PTPRD: variants seen among roughly 807,000 people sequenced by gnomAD.
The protein encoded by PTPRD is protein tyrosine phosphatase receptor type D, also known as receptor-type tyrosine-protein phosphatase delta.
A neutral mutation model predicts 214.5 loss-of-function variants in PTPRD; 34 were observed. The observed-to-expected ratio is 0.16, with a 90% confidence interval of 0.12 to 0.21. The LOEUF (loss-of-function observed/expected upper bound fraction) is 0.21. PTPRD is among the 10% of genes least tolerant of loss of function. The probability of loss-of-function intolerance (pLI) is 1.00; values close to 1 mark genes in which losing one functional copy is unlikely to be tolerated. For synonymous variants in PTPRD, 1,128 were observed against 845.7 expected, an observed-to-expected ratio of 1.33 and a Z score of -5.79; for missense variants, 2,545 against 2,398.7, an observed-to-expected ratio of 1.06 and a Z score of -1.27.
At chr9:8,603,687 A>C (rs2095020738) in intron 14 of PTPRD, among the ~76,000 whole-genome samples, 1 of 152,182 alleles carries the variant, frequency 6.6e-6, no homozygotes, top group African/African-American at 2.4e-5. Flanking sequence ...CTTATAAGGG[A>C]AGTTGATGAA....
rs759934717 is a variant in PTPRD at position 8,528,751 on chromosome 9, G to A, written c.381C>T (p.Thr127=). 6.2e-7 allele frequency: 1 copy of A among 1,613,404 alleles called. No homozygotes were observed. Among genetic ancestry groups the A allele is most frequent in the Non-Finnish European group, 8.5e-7 (1 of 1,179,606 alleles). ...REDQIPRGFP[T]IDMGPQLKVV... ...CCTTCAACTGTGGGCCCATGTCAAT[G>A]GTAGGGAAGCCCCTGGGAATTTGAT... The change falls in exon 15 of 46, where the codon ACC becomes ACT. Residue 127 remains threonine (T), a synonymous_variant. Transcript: ENST00000381196.
chr9:9,826,288 T>C (rs1237281618), intron 5 of PTPRD, among the ~76,000 whole-genome samples: 1 of 151,892 alleles, frequency 6.6e-6, no homozygotes, highest in Non-Finnish European at 1.5e-5. Flanking sequence ...AATGATTTTC[T>C]TTTATCTATA....
chr9:10,134,129 A>T (rs1002834348), intron 3 of PTPRD, among the ~76,000 whole-genome samples: 1 of 152,064 alleles, frequency 6.6e-6, no homozygotes, highest in Admixed American at 6.6e-5. Context: ...GAGGTCTCCC[A>T]GCCTTGAGCT....
At chr9:9,426,667 G>T (rs540457467) in intron 8 of PTPRD, among the ~76,000 whole-genome samples, 1 of 152,114 alleles carries the variant, frequency 6.6e-6, no homozygotes, top group Non-Finnish European at 1.5e-5. Flanking sequence ...AGTAGGGGCC[G>T]ACTGACACCT....
rs142864928 is a variant in PTPRD, at chr9:9,488,901, C to T, written c.-237+85831G>A. Among the ~76,000 whole-genome samples, 998 of 152,196 alleles carry T rather than the reference C, an allele frequency of 6.6e-3. 6 individuals carry two copies. The highest frequency in any genetic ancestry group is 0.023 in the African/African-American group (966 of 41,534). ...GAGTCAGGATGGGCAAAAAGAACCCCATTCTCCAAATATATGGGATCTTTG... is the reference window on the plus strand; with the variant it reads ...GAGTCAGGATGGGCAAAAAGAACCCTATTCTCCAAATATATGGGATCTTTG... On this transcript the variant is annotated intron_variant, in intron 8 of 45. Transcript: ENST00000381196.
At chr9:8,346,813 G>C (rs746805476) in intron 39 of PTPRD, among the ~76,000 whole-genome samples, 1 of 152,134 alleles carries the variant, frequency 6.6e-6, no homozygotes, top group African/African-American at 2.4e-5. Context: ...AAGAGAAATC[G>C]TATGCTGAGG....
intron 35 of PTPRD, among the ~76,000 whole-genome samples, chr9:8,409,867 T>G (rs1374787863): frequency 6.6e-6 from 1 of 152,212 alleles, no homozygotes; most frequent in Non-Finnish European, 1.5e-5. Flanking sequence ...ACTTCACTCG[T>G]CAAACCATGG....
At position 10,540,616 on chromosome 9, in the gene PTPRD, T is replaced by G. The variant is rs150006389; in HGVS notation, c.-600+71782A>C. On this transcript the variant is annotated intron_variant, in intron 2 of 45. Coordinates refer to ENST00000381196, the MANE Select transcript of PTPRD (RefSeq NM_002839.4). Reference sequence around the variant, plus strand: ...ATGTTTAGTTTGCATTTGTAACTTATATTAATGTTACAATTCAGGCTAAAA... The same window carrying G: ...ATGTTTAGTTTGCATTTGTAACTTAGATTAATGTTACAATTCAGGCTAAAA... 5.9e-5 allele frequency among the ~76,000 whole-genome samples: 9 copies of G among 152,336 alleles called. No individual in the cohort carries two copies. In the South Asian group the frequency reaches 8.3e-4, roughly 14 times the overall value.
chr9:8,331,441 G>GAGAAATCAATCCTGC, intron 44 of PTPRD, 141 bp downstream of exon 44: 1 of 982,750 alleles, frequency 1.0e-6, no homozygotes, highest in Non-Finnish European at 1.4e-6. Context: ...TGAAAAGAAA[G>GAGAAATCAATCCTGC]AGAAATCAAT....
chr9:9,081,639 T>C (rs908446578), intron 10 of PTPRD, among the ~76,000 whole-genome samples: 1 of 152,070 alleles, frequency 6.6e-6, no homozygotes, highest in Non-Finnish European at 1.5e-5. Context: ...TAAGTCTCTT[T>C]GTAGGTCTCT....
chr9:9,874,189 T>C (rs2066223719), intron 5 of PTPRD, among the ~76,000 whole-genome samples: 1 of 152,160 alleles, frequency 6.6e-6, no homozygotes, highest in Non-Finnish European at 1.5e-5. Flanking sequence ...CAAGGGGACA[T>C]GCCAGTGGGC....
At chr9:10,321,553 T>C (rs2096552848) in intron 3 of PTPRD, among the ~76,000 whole-genome samples, 1 of 152,100 alleles carries the variant, frequency 6.6e-6, no homozygotes, top group Non-Finnish European at 1.5e-5. Flanking sequence ...TGAGTATAGA[T>C]TTCATTTCAA....
intron 8 of PTPRD, among the ~76,000 whole-genome samples, chr9:9,537,242 T>C (rs887151887): frequency 3.9e-5 from 6 of 151,996 alleles, no homozygotes; most frequent in African/African-American, 1.4e-4. Context: ...CTTTTCATTT[T>C]TTTTATTTTT....
intron 11 of PTPRD, among the ~76,000 whole-genome samples, chr9:8,748,468 T>C (rs1197349244): frequency 7.0e-6 from 1 of 142,978 alleles, no homozygotes; most frequent in Non-Finnish European, 1.5e-5. Flanking sequence ...GTCCCCTCCC[T>C]TTGTATGGGA....
chr9:10,359,509 T>A (rs1218458856), intron 2 of PTPRD, among the ~76,000 whole-genome samples: 2 of 152,066 alleles, frequency 1.3e-5, no homozygotes, highest in African/African-American at 2.4e-5. Flanking sequence ...AATGCTAACA[T>A]TAAAATGTAC....
At chr9:9,642,959 C>G (rs554443632) in intron 7 of PTPRD, among the ~76,000 whole-genome samples, 2 of 152,104 alleles carry the variant, frequency 1.3e-5, no homozygotes, top group Non-Finnish European at 2.9e-5. Flanking sequence ...AACAGAATAC[C>G]TTCAACTGTC....
intron 4 of PTPRD, among the ~76,000 whole-genome samples, chr9:10,028,807 G>A (rs1043325587): frequency 7.2e-5 from 11 of 152,142 alleles, no homozygotes; most frequent in Admixed American, 5.2e-4. Context: ...TCCCATTTTC[G>A]AGGAGAAATT....
At chr9:8,752,577 G>A (rs2093633643) in intron 11 of PTPRD, among the ~76,000 whole-genome samples, 1 of 151,980 alleles carries the variant, frequency 6.6e-6, no homozygotes, top group African/African-American at 2.4e-5. Flanking sequence ...ATTCTTTCTT[G>A]TGCGAGACTC....
At chr9:9,778,381 A>C (rs1229591877) in intron 5 of PTPRD, among the ~76,000 whole-genome samples, 1 of 152,166 alleles carries the variant, frequency 6.6e-6, no homozygotes, top group Non-Finnish European at 1.5e-5. Context: ...CCCTGGGGAA[A>C]AGGCAGAGAC....
Sources: gnomAD v4.1 joint callset for allele counts (sites outside exome capture counted in the v4.1 genomes callset) on GRCh38, gnomAD v4.1.1 for gene constraint, MANE v1.5 for transcripts, NCBI Gene and HGNC (gene_info 2026-07-23, HGNC 2026-07-21) for gene names.